EXOC2: variants seen among roughly 807,000 people sequenced by gnomAD.
The protein encoded by EXOC2 is exocyst complex component 2, also known as SEC5-like 1.
A neutral mutation model predicts 131.8 loss-of-function variants in EXOC2; 70 were observed. The observed-to-expected ratio is 0.53, with a 90% CI of 0.44 to 0.65. EXOC2 has a LOEUF of 0.65. EXOC2 is among the 30% of genes least tolerant of loss of function. EXOC2 has a pLI of 0.00. For synonymous variants in EXOC2, 411 were observed against 398.4 expected (o/e 1.03, Z -0.38); for missense variants, 923 against 1,108.6 (o/e 0.83, Z 2.38).
chr6:509,593 A>G (rs1764738320), intron 23 of EXOC2, among the ~76,000 whole-genome samples: 1 of 152,244 alleles, frequency 6.6e-6, no homozygotes. Context: ...AAATTGAAGG[A>G]AATTTACTAG....
At chr6:512,419 TC>T (rs1409494588) in intron 23 of EXOC2, among the ~76,000 whole-genome samples, 35 of 152,368 alleles carry the variant, frequency 2.3e-4, no homozygotes, top group African/African-American at 8.4e-4. Context: ...TATTTTCCTT[TC>T]TTATGATTTT....
intron 25 of EXOC2, among the ~76,000 whole-genome samples, chr6:495,690 C>T (rs941156461): frequency 5.9e-5 from 9 of 152,242 alleles, no homozygotes; most frequent in South Asian, 2.1e-4. Flanking sequence ...TTCTTGCCGA[C>T]GTCTACTAGA....
rs1358777846 is a variant in EXOC2 at position 563,527 on chromosome 6, A to C, written c.1789+506T>G. On this transcript the variant is annotated intron_variant, in intron 16 of 27. Coordinates refer to ENST00000230449, the MANE Select transcript of EXOC2 (RefSeq NM_018303.6). ...TTTTTGAAAATATTTAATAACTAAA[A>C]GGCTGCTTTGTAAAGAAAACCTTTA... Among the ~76,000 whole-genome samples, 3 of 152,214 alleles carry C rather than the reference A, an allele frequency of 2.0e-5. No individual in the cohort carries two copies. The East Asian group carries it at 5.8e-4, about 29-fold the overall frequency.
chr6:625,657 T>C (rs566166579), intron 4 of EXOC2, among the ~76,000 whole-genome samples: 1 of 152,260 alleles, frequency 6.6e-6, no homozygotes, highest in African/African-American at 2.4e-5. Flanking sequence ...AGAATTAATT[T>C]GCCGTCAGTT....
chr6:556,112 G>T, intron 18 of EXOC2, 99 bp from the exon 19 acceptor site: 2 of 1,080,066 alleles, frequency 1.9e-6, no homozygotes, highest in Admixed American at 1.9e-5. Flanking sequence ...GAACGCTGCT[G>T]CAGGAGTGGT....
chr6:509,639 T>C (rs1719078051), intron 23 of EXOC2, among the ~76,000 whole-genome samples: 1 of 152,232 alleles, frequency 6.6e-6, no homozygotes, highest in Admixed American at 6.5e-5. Flanking sequence ...GTATAAAAAG[T>C]GTCTGAAAAG....
At chr6:534,310 C>A (rs1766295853) in intron 22 of EXOC2, among the ~76,000 whole-genome samples, 1 of 152,116 alleles carries the variant, frequency 6.6e-6, no homozygotes, top group Admixed American at 6.5e-5. Flanking sequence ...AAGAAAGACC[C>A]AAGTTTGCAA....
intron 1 of EXOC2, among the ~76,000 whole-genome samples, chr6:682,312 G>C (rs1048457119): frequency 6.7e-6 from 1 of 149,808 alleles, no homozygotes; most frequent in Non-Finnish European, 1.5e-5. Flanking sequence ...CCATTCTCCT[G>C]CCTCAGCCTC....
chr6:498,510 TGTG>T (rs1474176873), intron 24 of EXOC2, among the ~76,000 whole-genome samples: 3 of 152,236 alleles, frequency 2.0e-5, no homozygotes, highest in Non-Finnish European at 4.4e-5. Context: ...AAAAGATCTA[TGTG>T]GTGACTTCCT....
chr6:521,606 C>T lies in EXOC2; in HGVS notation c.2380+10863G>A, dbSNP rs189757307. ...GCAGTGATGGGATCTTGGCTCACCACGCCTTGACCTCCCAGGCTCACGTGA... is the reference window on the plus strand; with the variant it reads ...GCAGTGATGGGATCTTGGCTCACCATGCCTTGACCTCCCAGGCTCACGTGA... On this transcript the variant is annotated intron_variant, in intron 23 of 27. Transcript: ENST00000230449. Among the ~76,000 whole-genome samples the T allele has an allele frequency of 4.4e-3, 670 of 152,024 alleles. 1 individual carries two copies. Among genetic ancestry groups the T allele is most frequent in the Middle Eastern group, 6.8e-3 (2 of 294 alleles).
At chr6:681,915 T>C (rs1764421010) in intron 1 of EXOC2, among the ~76,000 whole-genome samples, 1 of 152,258 alleles carries the variant, frequency 6.6e-6, no homozygotes, top group Non-Finnish European at 1.5e-5. Flanking sequence ...CTGGTCCTTT[T>C]CCTGCTCACT....
At chr6:495,336 G>A (rs983927813) in intron 25 of EXOC2, among the ~76,000 whole-genome samples, 1 of 152,040 alleles carries the variant, frequency 6.6e-6, no homozygotes, top group Non-Finnish European at 1.5e-5. Context: ...GTGTTAGCCA[G>A]GATGGTCTCG....
At chr6:587,607 T>A (rs1759285874) in intron 11 of EXOC2, among the ~76,000 whole-genome samples, 1 of 152,054 alleles carries the variant, frequency 6.6e-6, no homozygotes, top group Non-Finnish European at 1.5e-5. Context: ...AATGATCACA[T>A]ACAGAAAAAC....
intron 22 of EXOC2, among the ~76,000 whole-genome samples, chr6:542,704 C>T (rs150007089): frequency 1.7e-4 from 26 of 152,300 alleles, no homozygotes; most frequent in Non-Finnish European, 3.2e-4. Context: ...ATAAATGTTC[C>T]TACAACAGAG....
chr6:554,996 A>G (rs1199340480), intron 20 of EXOC2, among the ~76,000 whole-genome samples: 1 of 152,256 alleles, frequency 6.6e-6, no homozygotes, highest in Non-Finnish European at 1.5e-5. Context: ...ATAATTAATA[A>G]GCTAATCATG....
intron 4 of EXOC2, among the ~76,000 whole-genome samples, chr6:621,960 G>T (rs1761314731): frequency 6.6e-6 from 1 of 152,186 alleles, no homozygotes; most frequent in African/African-American, 2.4e-5. Flanking sequence ...CTGAGTGGAG[G>T]CTTAGGCTAA....
Position 489,173 on chromosome 6 carries a change from A to G in EXOC2, c.2622-135T>C, listed in dbSNP as rs1763274764. Reference sequence around the variant, plus strand: ...GGAAATATGAGAAAAAGTAAAAGTGAAAAACAATAGAAAAAGTAAAAGTAA... The same window carrying G: ...GGAAATATGAGAAAAAGTAAAAGTGGAAAACAATAGAAAAAGTAAAAGTAA... On this transcript the variant is annotated intron_variant, in intron 26 of 27. Coordinates refer to ENST00000230449, the MANE Select transcript of EXOC2 (RefSeq NM_018303.6). 5 of 833,772 alleles carry G rather than the reference A, an allele frequency of 6.0e-6. No individual in the cohort carries two copies. In the East Asian group the frequency reaches 8.1e-5, roughly 13 times the overall value. The allele number at this position is 833,772 out of a possible 1,614,324, so 51.6% of individuals were successfully genotyped here. A position where few individuals can be genotyped will look rare whatever the true frequency, so the allele number is the denominator to read the frequency against.
intron 1 of EXOC2, chr6:656,093 A>C: frequency 1.3e-6 from 2 of 1,567,944 alleles, no homozygotes; most frequent in Non-Finnish European, 1.7e-6. Flanking sequence ...AAAAAAATCT[A>C]AGCTGGCTGA....
At position 549,341 on chromosome 6, in the gene EXOC2, A is replaced by C. The variant is rs1476087067; in HGVS notation, c.2122-50T>G. The C allele has an allele frequency of 3.1e-6, 4 of 1,306,550 alleles. No homozygotes were observed. The South Asian group carries it at 4.9e-5, about 16-fold the overall frequency. 80.9% of individuals were successfully genotyped at this position (1,306,550 alleles called of 1,614,324 possible). ...AAATCACCTTTATGGTGCCAGAGAG[A>C]ATAGCTGATTAACACTTGTCAAGTT... is the stretch of plus-strand genomic sequence containing the variant. On this transcript the variant is annotated intron_variant, in intron 21 of 27. Coordinates refer to ENST00000230449, the MANE Select transcript of EXOC2 (RefSeq NM_018303.6).
Sources: gnomAD v4.1 joint callset for allele counts (sites outside exome capture counted in the v4.1 genomes callset) on GRCh38, gnomAD v4.1.1 for gene constraint, MANE v1.5 for transcripts, NCBI Gene and HGNC (gene_info 2026-07-23, HGNC 2026-07-21) for gene names.